CCDC57: variants seen among roughly 807,000 people sequenced by gnomAD.
CCDC57 encodes coiled-coil domain containing 57, also known as coiled-coil domain-containing protein 57.
In CCDC57, 118 loss-of-function variants were observed where a neutral mutation model predicts 118.9. The ratio of observed to expected loss-of-function variants is 0.99; its 90% CI spans 0.86 to 1.16. The LOEUF (loss-of-function observed/expected upper bound fraction) is 1.16, where lower values mean the gene tolerates loss of function less well. Among genes scored for constraint, CCDC57 ranks in the 50% most tolerant of loss-of-function variants. The pLI is 0.00. For synonymous variants in CCDC57, 527 were observed against 532.9 expected (o/e 0.99, Z 0.15); for missense variants, 1,300 against 1,320.7 (o/e 0.98, Z 0.24).
At chr17:82,178,100 G>A (rs2045757608) in intron 11 of CCDC57, among the ~76,000 whole-genome samples, 1 of 152,242 alleles carries the variant, frequency 6.6e-6, no homozygotes, top group Non-Finnish European at 1.5e-5. Flanking sequence ...GGCATTGGAT[G>A]AGTACTTAAC....
In CCDC57 at chr17:82,177,919, C is replaced by G. The variant is rs534690676; in HGVS notation, c.1506+555G>C. 5.9e-5 allele frequency among the ~76,000 whole-genome samples: 9 copies of G among 152,320 alleles called. No homozygotes were observed. The East Asian group carries it at 1.7e-3, about 29-fold the overall frequency. On this transcript the variant is annotated intron_variant, in intron 11 of 19. Coordinates refer to ENST00000665763, the Ensembl canonical transcript of CCDC57. Reference sequence around the variant, plus strand: ...GTGCTGGGCCCTCTGTGCTCTCCCCCAGCCTCCTACAGCCCTGCACCCCGC... The same window carrying G: ...GTGCTGGGCCCTCTGTGCTCTCCCCGAGCCTCCTACAGCCCTGCACCCCGC...
chr17:82,128,748 G>A, intron 17 of CCDC57, 151 bp from the exon 17 acceptor site: 1 of 642,488 alleles, frequency 1.6e-6, no homozygotes, highest in East Asian at 2.8e-5. Flanking sequence ...GGACTGAAGG[G>A]ACCTGTTTCC....
chr17:82,105,724 G>A (rs956601979), intron 19 of CCDC57, among the ~76,000 whole-genome samples: 5 of 152,292 alleles, frequency 3.3e-5, no homozygotes, highest in South Asian at 2.1e-4. Context: ...GGAGGCCCAC[G>A]TGATCTGGTT....
At chr17:82,191,602 G>A (rs1599348300) in intron 7 of CCDC57, among the ~76,000 whole-genome samples, 1 of 152,212 alleles carries the variant, frequency 6.6e-6, no homozygotes, top group African/African-American at 2.4e-5. Context: ...CCTCCTCAAT[G>A]TGAAGATGAT....
Position 82,128,485 on chromosome 17 carries a change from ACT to A in CCDC57, c.2682+6_2682+7del, listed in dbSNP as rs1275399901. On this transcript the variant is annotated splice_donor_region_variant and intron_variant, in intron 18 of 19. Transcript: ENST00000665763. ...CAGCTGCACTTGCTCGGGCGCCGCC[ACT>A]CTCACCTTCGGGCCTTGCAGGGCGT... is the stretch of plus-strand genomic sequence containing the variant. 1 of 1,545,030 alleles carries A rather than the reference ACT, an allele frequency of 6.5e-7. No individual in the cohort carries two copies. Among genetic ancestry groups the A allele is most frequent in the South Asian group, 1.2e-5 (1 of 84,110 alleles).
Position 82,128,793 on chromosome 17 carries a change from T to C in CCDC57, c.2578-196A>G, listed in dbSNP as rs1406399947. 2.6e-5 allele frequency among the ~76,000 whole-genome samples: 4 copies of C among 152,140 alleles called. No homozygotes were observed. In the East Asian group the frequency reaches 5.8e-4, roughly 22 times the overall value. On this transcript the variant is annotated intron_variant, in intron 17 of 19. Transcript: ENST00000665763. Reference sequence around the variant, plus strand: ...GGAATGGAGCAGGCTTCCCCAGTCATTCATTCCCAGGAGCCTTCTCTGCAA... The same window carrying C: ...GGAATGGAGCAGGCTTCCCCAGTCACTCATTCCCAGGAGCCTTCTCTGCAA...
Position 82,118,865 on chromosome 17 carries a change from G to A in CCDC57, c.2899+8827C>T, listed in dbSNP as rs924535449. Among the ~76,000 whole-genome samples the A allele has an allele frequency of 2.6e-5, 4 of 151,614 alleles. No homozygotes were observed. The highest frequency in any genetic ancestry group is 4.9e-5 in the African/African-American group (2 of 41,156). ...CCGTATCTAAGGTTAACCCTCTTCC[G>A]GCCATTTGTAAATACTCCATTCTAC... On this transcript the variant is annotated intron_variant, in intron 19 of 19. Coordinates refer to ENST00000665763, the Ensembl canonical transcript of CCDC57. This position sits in a 1 kb window ranked among gnomAD's most constrained non-coding sequence, Gnocchi z 4.7.
At chr17:82,180,934 G>A (rs754010268) in intron 9 of CCDC57, among the ~76,000 whole-genome samples, 2 of 152,216 alleles carry the variant, frequency 1.3e-5, no homozygotes, top group Admixed American at 6.5e-5. Flanking sequence ...ACACACGAGC[G>A]GTGCGGGGCT....
intron 13 of CCDC57, among the ~76,000 whole-genome samples, chr17:82,167,589 G>A (rs1307910761): frequency 1.3e-5 from 2 of 151,968 alleles, no homozygotes; most frequent in Admixed American, 1.3e-4. Context: ...GGCCTCAAGT[G>A]ATCCACCCGC....
At chr17:82,126,927 A>G in intron 19 of CCDC57, 3 of 985,414 alleles carry the variant, frequency 3.0e-6, no homozygotes, top group Non-Finnish European at 2.4e-6. Context: ...GCAGGCACAC[A>G]GGAAGGACGC....
At chr17:82,102,943 G>A (rs558675570) in intron 19 of CCDC57, among the ~76,000 whole-genome samples, 1 of 152,192 alleles carries the variant, frequency 6.6e-6, no homozygotes, top group African/African-American at 2.4e-5. Flanking sequence ...CGTCCACTGC[G>A]TGGCCACACT....
intron 19 of CCDC57, among the ~76,000 whole-genome samples, chr17:82,103,062 T>TG (rs2034575349): frequency 6.6e-6 from 1 of 152,162 alleles, no homozygotes; most frequent in African/African-American, 2.4e-5. Flanking sequence ...CGCCTCCTGC[T>TG]GGAGCCCAGC....
At chr17:82,124,358 T>A (rs933828309) in intron 19 of CCDC57, among the ~76,000 whole-genome samples, 1 of 152,168 alleles carries the variant, frequency 6.6e-6, no homozygotes, top group African/African-American at 2.4e-5. Flanking sequence ...AGAAGCTGTA[T>A]CAGCTGTTAA....
chr17:82,189,670 C>A (rs969116129), intron 7 of CCDC57, among the ~76,000 whole-genome samples: 2 of 151,894 alleles, frequency 1.3e-5, no homozygotes, highest in African/African-American at 4.8e-5. Flanking sequence ...GCCAACATGG[C>A]GAAACCCAGT....
At chr17:82,107,316 T>C (rs1274929244) in intron 19 of CCDC57, 1 of 419,000 alleles carries the variant, frequency 2.4e-6, no homozygotes, top group Non-Finnish European at 4.9e-6. Flanking sequence ...AGGTTGGGGG[T>C]GGGGGGATGC....
At chr17:82,124,075 G>C (rs538993011) in intron 19 of CCDC57, among the ~76,000 whole-genome samples, 2 of 152,208 alleles carry the variant, frequency 1.3e-5, no homozygotes, top group East Asian at 3.9e-4. Context: ...GGTGGTGGCG[G>C]GGGCTACCAA....
intron 19 of CCDC57, among the ~76,000 whole-genome samples, chr17:82,121,740 G>A (rs569500185): frequency 3.5e-4 from 53 of 152,322 alleles, no homozygotes; most frequent in African/African-American, 1.1e-3. Flanking sequence ...CCATGGGGCC[G>A]TGCATGCCGC....
Position 82,208,261 on chromosome 17 carries a change from CTTA to C in CCDC57, c.-210-216_-210-214del, listed in dbSNP as rs200617769. On this transcript the variant is annotated intron_variant, in intron 1 of 19. Transcript: ENST00000665763. ...GTATAAATATATTTAATACCCTTAA[CTTA>C]TTATTATTATTTTAGACAGTCTTGT... Among the ~76,000 whole-genome samples, 716 of 151,830 alleles carry C rather than the reference CTTA, an allele frequency of 4.7e-3. 5 individuals are homozygous for C. The highest frequency in any genetic ancestry group is 0.016 in the African/African-American group (680 of 41,350).
chr17:82,137,793 C>T (rs1200081314), intron 16 of CCDC57, among the ~76,000 whole-genome samples: 1 of 151,512 alleles, frequency 6.6e-6, no homozygotes, highest in Non-Finnish European at 1.5e-5. Context: ...CCTTCCTCAG[C>T]CTCCCGGGTA....
Sources: gnomAD v4.1 joint callset for allele counts (sites outside exome capture counted in the v4.1 genomes callset) on GRCh38, gnomAD v4.1.1 for gene constraint, Gnocchi (gnomAD v3.1) non-coding constraint, MANE v1.5 for transcripts, NCBI Gene and HGNC (gene_info 2026-07-23, HGNC 2026-07-21) for gene names.